Variants in TJP3 observed in about 807,000 individuals in gnomAD.
TJP3 encodes the protein tight junction protein 3.
In TJP3, 85 loss-of-function variants were observed where a neutral mutation model predicts 104.2. The observed-to-expected ratio is 0.82, with a 90% CI of 0.68 to 0.98. The LOEUF (loss-of-function observed/expected upper bound fraction) is 0.98. Among genes scored for constraint, TJP3 ranks in the 50% least tolerant of loss-of-function variants. The pLI, the probability that TJP3 is intolerant of heterozygous loss-of-function variation, is 0.00. For synonymous variants in TJP3, 550 were observed against 550.6 expected, an observed-to-expected ratio of 1.00 and a Z score of 0.02; for missense variants, 1,367 against 1,322.8, an observed-to-expected ratio of 1.03 and a Z score of -0.52.
intron 1 of TJP3, among the ~76,000 whole-genome samples, chr19:3,719,001 T>C (rs922266606): frequency 1.3e-5 from 2 of 151,618 alleles, no homozygotes; most frequent in African/African-American, 2.4e-5. Context: ...CTGGCCAACA[T>C]GGTGAAACCC....
chr19:3,717,573 T>G (rs879284697), intron 1 of TJP3, among the ~76,000 whole-genome samples: 13 of 151,744 alleles, frequency 8.6e-5, no homozygotes, highest in Admixed American at 2.6e-4. Context: ...GTAGCTGGGA[T>G]TACAGGCGCC....
Position 3,735,875 on chromosome 19 carries a change from C to T in TJP3, c.1067C>T (p.Pro356Leu), listed in dbSNP as rs776095074. 8.1e-6 allele frequency: 13 copies of T among 1,613,916 alleles called. No individual in the cohort carries two copies. The highest frequency in any genetic ancestry group is 1.7e-5 in the Admixed American group (1 of 59,978). The part of the protein sequence containing the change: ...SEPDEQRSEL[P>L]RESSYDIYRV... ...ACTGGCTTTTCCCTTTCAGAGTTGCCCAGGGAAAGCAGCTATGACATCTAC... is the reference window on the plus strand; with the variant it reads ...ACTGGCTTTTCCCTTTCAGAGTTGCTCAGGGAAAGCAGCTATGACATCTAC... The change falls in exon 10 of 21, where the codon CCC (proline) becomes CTC (leucine). Residue 356 changes from proline to leucine, a missense_variant. Pro to Leu is a moderately conservative substitution (Grantham distance 98). Transcript: ENST00000541714.
At position 3,739,334 on chromosome 19, in the gene TJP3, A is replaced by G. The variant is rs139093924; in HGVS notation, c.1631+200A>G. 4.6e-5 allele frequency among the ~76,000 whole-genome samples: 7 copies of G among 152,332 alleles called. No individual in the cohort carries two copies. The East Asian group carries it at 1.4e-3, about 29-fold the overall frequency. On this transcript the variant is annotated intron_variant, in intron 13 of 20. Coordinates refer to ENST00000541714, the MANE Select transcript of TJP3 (RefSeq NM_001267560.2). Reference sequence around the variant, plus strand: ...GTGAAACCTCGTCTCTACTAAAAATACAAAAATTAGCTGGGCGTGGTGGCA... The same window carrying G: ...GTGAAACCTCGTCTCTACTAAAAATGCAAAAATTAGCTGGGCGTGGTGGCA...
chr19:3,718,906 G>A (rs1025649318), intron 1 of TJP3, among the ~76,000 whole-genome samples: 3 of 152,040 alleles, frequency 2.0e-5, no homozygotes, highest in East Asian at 1.9e-4. Context: ...TGGACTGGCC[G>A]GGCGTGGTGG....
intron 3 of TJP3, 68 bp from the exon 4 acceptor site, chr19:3,729,960 C>T (rs1449297348): frequency 7.6e-6 from 10 of 1,323,614 alleles, no homozygotes; most frequent in Non-Finnish European, 1.1e-5. Flanking sequence ...ACCCCCTCCC[C>T]AGGGAGGGCT....
intron 19 of TJP3, chr19:3,749,582 G>C (rs1599167596): frequency 6.5e-6 from 1 of 152,902 alleles, no homozygotes; most frequent in African/African-American, 2.4e-5. Flanking sequence ...CTGGGCTCAA[G>C]TGATCCTCCT....
chr19:3,720,901 CT>C (rs370206267), intron 1 of TJP3, among the ~76,000 whole-genome samples: 347 of 114,318 alleles, frequency 3.0e-3, no homozygotes, highest in African/African-American at 6.6e-3. Context: ...CCTTCCTTTT[CT>C]TTTTTTTTTT....
At position 3,747,929 on chromosome 19, in the gene TJP3, G is replaced by A. The variant is rs145696916; in HGVS notation, c.2458G>A (p.Glu820Lys). The A allele has an allele frequency of 1.7e-4, 277 of 1,613,252 alleles. 1 individual carries two copies. The African/African-American group carries it at 3.5e-3, about 20-fold the overall frequency. Residue 820 changes from glutamate to lysine, a missense_variant, in exon 19 of 21, where the codon GAG (glutamate) becomes AAG (lysine). Coordinates refer to ENST00000541714, the MANE Select transcript of TJP3 (RefSeq NM_001267560.2). The part of the protein sequence containing the change: ...DGEGGAYTDG[E>K]GYTDGEGGPY... Reference sequence around the variant, plus strand: ...CGAGGGCGGCGCGTACACGGATGGCGAGGGCTACACAGACGGCGAGGGGGG... The same window carrying A: ...CGAGGGCGGCGCGTACACGGATGGCAAGGGCTACACAGACGGCGAGGGGGG...
At chr19:3,723,653 G>C (rs990346115) in intron 1 of TJP3, among the ~76,000 whole-genome samples, 2 of 151,676 alleles carry the variant, frequency 1.3e-5, no homozygotes, top group Non-Finnish European at 2.9e-5. Flanking sequence ...TTAGCCGGGC[G>C]TGGTGGTTGG....
chr19:3,735,852 T>G lies in TJP3; in HGVS notation c.1061-17T>G. The G allele has an allele frequency of 1.2e-6, 2 of 1,614,070 alleles. No individual in the cohort carries two copies. Among genetic ancestry groups the G allele is most frequent in the Non-Finnish European group, 1.7e-6 (2 of 1,179,950 alleles). ...GAGCCAGTGTGCTTGGGAAAGAGAC[T>G]GGCTTTTCCCTTTCAGAGTTGCCCA... On this transcript the variant is annotated splice_polypyrimidine_tract_variant and intron_variant, in intron 9 of 20. Coordinates refer to ENST00000541714, the MANE Select transcript of TJP3 (RefSeq NM_001267560.2).
intron 1 of TJP3, among the ~76,000 whole-genome samples, chr19:3,724,423 C>T (rs1242614184): frequency 3.3e-5 from 5 of 152,194 alleles, no homozygotes; most frequent in Admixed American, 6.5e-5. Context: ...TCTCGATCTC[C>T]TGACCTTGTG....
chr19:3,736,065 A>AC, intron 10 of TJP3, 100 bp from the exon 11 acceptor site: 10 of 1,540,126 alleles, frequency 6.5e-6, no homozygotes, highest in South Asian at 2.4e-5. Context: ...TTTTGGGGAA[A>AC]CTGAGGCCTG....
chr19:3,710,767 C>G (rs975750597), intron 1 of TJP3, among the ~76,000 whole-genome samples: 13 of 151,500 alleles, frequency 8.6e-5, no homozygotes, highest in African/African-American at 3.2e-4. Flanking sequence ...CAGCAGTGAG[C>G]AAGGCAGGCC....
rs10425094 is a variant in TJP3 at position 3,746,003 on chromosome 19, G to A, written c.1940-8G>A. On this transcript the variant is annotated splice_polypyrimidine_tract_variant and splice_region_variant and intron_variant, in intron 15 of 20. Coordinates refer to ENST00000541714, the MANE Select transcript of TJP3 (RefSeq NM_001267560.2). The surrounding 1 kb of genome is among the most constrained non-coding windows in gnomAD (Gnocchi z 4.1). ...CCTGAAGCTGCTGGTCCTCTCTGCC[G>A]TCCACAGAGACTGTGTCCAGGACCG... is the stretch of plus-strand genomic sequence containing the variant. 34,461 of 1,598,714 alleles carry A rather than the reference G, an allele frequency of 0.022. 608 individuals carry two copies. The highest frequency in any genetic ancestry group is 0.079 in the African/African-American group (5,913 of 74,722).
rs775251242 is a variant in TJP3, at chr19:3,733,900, T to C, written c.865T>C (p.Ser289Pro). The C allele has an allele frequency of 3.1e-6, 5 of 1,613,882 alleles. 1 individual carries two copies. The highest frequency in any genetic ancestry group is 4.2e-6 in the Non-Finnish European group (5 of 1,179,934). ...GCCTGCTGTCAGTGACAGCGACAGC[T>C]CGCCATTGGAGGGTGAGGACCTAGA... ...IPPAVSDSDSSPLEDISDLAS... is the reference protein window; with the variant it reads ...IPPAVSDSDSPPLEDISDLAS... Residue 289 changes from serine to proline, a missense_variant, in exon 7 of 21, where the codon TCG becomes CCG. Ser to Pro is a moderately conservative substitution (Grantham distance 74, BLOSUM62 -1). Transcript: ENST00000541714.
chr19:3,744,064 T>C (rs748223361), intron 15 of TJP3, 30 bp downstream of exon 15: 73 of 1,601,198 alleles, frequency 4.6e-5, no homozygotes, highest in Non-Finnish European at 5.8e-5. Context: ...GGAAACCTCG[T>C]TGGTGAAATA....
Position 3,736,152 on chromosome 19 carries a change from C to T in TJP3, c.1128-13C>T, listed in dbSNP as rs746275082. Reference sequence around the variant, plus strand: ...CCACTCTGCTCTGACCCCATCTCTGCCTCCCCTTGCAGGTACAGCCCCGAC... The same window carrying T: ...CCACTCTGCTCTGACCCCATCTCTGTCTCCCCTTGCAGGTACAGCCCCGAC... On this transcript the variant is annotated splice_polypyrimidine_tract_variant and intron_variant, in intron 10 of 20. Transcript: ENST00000541714. The T allele has an allele frequency of 6.3e-6, 10 of 1,575,456 alleles. No homozygotes were observed. The highest frequency in any genetic ancestry group is 8.6e-6 in the Non-Finnish European group (10 of 1,160,632).
chr19:3,728,715 T>G lies in TJP3; in HGVS notation c.158+2T>G. ...AGGGCCGGCGGAGGGCAGGCTACAGTGAGTATCCAGGCAGCTGGGTTCTGG... is the reference window on the plus strand; with the variant it reads ...AGGGCCGGCGGAGGGCAGGCTACAGGGAGTATCCAGGCAGCTGGGTTCTGG... On this transcript the variant is annotated splice_donor_variant, in intron 3 of 20. Coordinates refer to ENST00000541714, the MANE Select transcript of TJP3 (RefSeq NM_001267560.2). LOFTEE classifies it high-confidence loss of function. 6.2e-7 allele frequency: 1 copy of G among 1,612,946 alleles called. No individual in the cohort carries two copies. The highest frequency in any genetic ancestry group is 8.5e-7 in the Non-Finnish European group (1 of 1,179,868).
intron 14 of TJP3, 22 bp from the exon 15 acceptor site, chr19:3,743,917 T>G (rs575490328): frequency 9.3e-6 from 15 of 1,612,336 alleles, no homozygotes; most frequent in Non-Finnish European, 1.3e-5. Context: ...CCTGATTCTT[T>G]CACTGTGTCT....
Sources: gnomAD v4.1 joint callset for allele counts (sites outside exome capture counted in the v4.1 genomes callset) on GRCh38, gnomAD v4.1.1 for gene constraint, Gnocchi (gnomAD v3.1) non-coding constraint, MANE v1.5 for transcripts, NCBI Gene and HGNC (gene_info 2026-07-23, HGNC 2026-07-21) for gene names.